The following ROR2 variants were observed in gnomAD, a reference collection of about 807,000 sequenced individuals.
ROR2 encodes the protein tyrosine-protein kinase transmembrane receptor ROR2.
In ROR2, 33 loss-of-function variants were observed where a neutral mutation model predicts 74.9. The observed-to-expected ratio is 0.44, with a 90% CI of 0.33 to 0.59. The LOEUF (loss-of-function observed/expected upper bound fraction) is 0.59, where lower values mean the gene tolerates loss of function less well. Ranked by LOEUF, ROR2 falls within the 20% of genes least tolerant of loss-of-function variation. ROR2 has a pLI of 0.02. For synonymous variants in ROR2, 586 were observed against 558.7 expected (o/e 1.05, Z -0.69); for missense variants, 1,216 against 1,313.8 (o/e 0.93, Z 1.15).
rs144928462 is a variant in ROR2, at chr9:91,824,455, G to A, written c.98-48637C>T. Among the ~76,000 whole-genome samples, 368 of 152,330 alleles carry A rather than the reference G, an allele frequency of 2.4e-3. 1 individual carries two copies. Among genetic ancestry groups the A allele is most frequent in the African/African-American group, 8.3e-3 (343 of 41,556 alleles). On this transcript the variant is annotated intron_variant, in intron 1 of 8. Coordinates refer to ENST00000375708, the MANE Select transcript of ROR2 (RefSeq NM_004560.4). ...AGGTAGGAATGTGCACACGCCGGGG[G>A]CAGGGCATCCCCTCTGCAGGACACA...
At chr9:91,804,585 G>A (rs757267916) in intron 1 of ROR2, among the ~76,000 whole-genome samples, 1 of 152,242 alleles carries the variant, frequency 6.6e-6, no homozygotes, top group Non-Finnish European at 1.5e-5. Flanking sequence ...GTGGCAGAGC[G>A]TCATGCGGCC....
In ROR2 at chr9:91,757,135, G is replaced by T. The variant is rs962373829; in HGVS notation, c.463+137C>A. On this transcript the variant is annotated intron_variant, in intron 3 of 8. Coordinates refer to ENST00000375708, the MANE Select transcript of ROR2 (RefSeq NM_004560.4). Reference sequence around the variant, plus strand: ...CTGGGCCCTGGGGCACATGGGGAAGGCCCTAGGGAACGGTTTCATTGCTCT... The same window carrying T: ...CTGGGCCCTGGGGCACATGGGGAAGTCCCTAGGGAACGGTTTCATTGCTCT... 17 of 1,110,576 alleles carry T rather than the reference G, an allele frequency of 1.5e-5. No individual in the cohort carries two copies. In the South Asian group the frequency reaches 2.0e-4, roughly 13 times the overall value. The allele number at this position is 1,110,576 out of a possible 1,614,324, so 68.8% of individuals were successfully genotyped here.
At chr9:91,873,946 AAGAG>A (rs1282262054) in intron 1 of ROR2, among the ~76,000 whole-genome samples, 2 of 152,194 alleles carry the variant, frequency 1.3e-5, no homozygotes, top group Non-Finnish European at 2.9e-5. Context: ...GGAGGGCACT[AAGAG>A]AGCAGATTAA....
At chr9:91,937,457 AGG>A (rs1169892180) in intron 1 of ROR2, among the ~76,000 whole-genome samples, 1 of 151,926 alleles carries the variant, frequency 6.6e-6, no homozygotes, top group Non-Finnish European at 1.5e-5. Context: ...CAGACGCCCC[AGG>A]GGTCTAGATG....
At chr9:91,915,068 A>G (rs1423076027) in intron 1 of ROR2, among the ~76,000 whole-genome samples, 1 of 152,108 alleles carries the variant, frequency 6.6e-6, no homozygotes, top group African/African-American at 2.4e-5. Flanking sequence ...CATCCCGAGA[A>G]CAGCAGGGGC....
intron 4 of ROR2, among the ~76,000 whole-genome samples, chr9:91,749,873 T>C (rs1169857834): frequency 6.6e-6 from 1 of 152,220 alleles, no homozygotes; most frequent in Non-Finnish European, 1.5e-5. Flanking sequence ...AGAAATTATT[T>C]TGAAACTCTT....
Position 91,837,994 on chromosome 9 carries a change from C to T in ROR2, c.98-62176G>A, listed in dbSNP as rs7858714. On this transcript the variant is annotated intron_variant, in intron 1 of 8. Coordinates refer to ENST00000375708, the MANE Select transcript of ROR2 (RefSeq NM_004560.4). ...GTATTTTAGGAAAAACAGAAATTAC[C>T]CATACTCCCCCTACCCTCACAAAAC... Among the ~76,000 whole-genome samples, 469 of 152,204 alleles carry T rather than the reference C, an allele frequency of 3.1e-3. 2 individuals carry two copies. Among genetic ancestry groups the T allele is most frequent in the African/African-American group, 0.011 (454 of 41,522 alleles).
chr9:91,860,934 A>G (rs1026998337), intron 1 of ROR2, among the ~76,000 whole-genome samples: 1 of 152,246 alleles, frequency 6.6e-6, no homozygotes, highest in African/African-American at 2.4e-5. Flanking sequence ...CGAATATACA[A>G]AAATCATTTG....
intron 1 of ROR2, among the ~76,000 whole-genome samples, chr9:91,938,686 G>A (rs1270318455): frequency 2.6e-5 from 4 of 152,208 alleles, no homozygotes; most frequent in South Asian, 2.1e-4. Flanking sequence ...GCAGGAAGGC[G>A]AGAGTTTTTA....
chr9:91,764,805 G>A (rs1826013712), intron 2 of ROR2, among the ~76,000 whole-genome samples: 1 of 152,104 alleles, frequency 6.6e-6, no homozygotes, highest in Admixed American at 6.5e-5. Flanking sequence ...TCTTAGTCTT[G>A]GTCTGAAAAC....
chr9:91,946,052 T>C (rs1255714665), intron 1 of ROR2, among the ~76,000 whole-genome samples: 1 of 152,154 alleles, frequency 6.6e-6, no homozygotes, highest in Non-Finnish European at 1.5e-5. Flanking sequence ...GGTGGTGTTG[T>C]GGGGCAAAGC....
At chr9:91,796,436 G>GAAAAA (rs907750118) in intron 1 of ROR2, among the ~76,000 whole-genome samples, 1,601 of 87,570 alleles carry the variant, frequency 0.018, 24 homozygotes, top group East Asian at 0.11. Context: ...TTGTCCCAAG[G>GAAAAA]AAAAAAAAAA....
chr9:91,904,095 C>T (rs978747781), intron 1 of ROR2, among the ~76,000 whole-genome samples: 1 of 151,006 alleles, frequency 6.6e-6, no homozygotes, highest in African/African-American at 2.4e-5. Flanking sequence ...GGCTGGAGTA[C>T]AGTGGTAGGA....
intron 1 of ROR2, among the ~76,000 whole-genome samples, chr9:91,852,659 A>ACACACACG (rs1563999941): frequency 1.3e-5 from 2 of 151,426 alleles, no homozygotes; most frequent in Non-Finnish European, 2.9e-5. Context: ...ACCCACACAC[A>ACACACACG]CAATGTAAGT....
At chr9:91,812,528 GCA>G (rs1827789978) in intron 1 of ROR2, among the ~76,000 whole-genome samples, 1 of 150,668 alleles carries the variant, frequency 6.6e-6, no homozygotes. Flanking sequence ...TGAGGGTCAG[GCA>G]CACACGTGTG....
At chr9:91,839,254 GTGTGTGTGTGT>G (rs1563991772) in intron 1 of ROR2, among the ~76,000 whole-genome samples, 34 of 35,750 alleles carry the variant, frequency 9.5e-4, no homozygotes, top group African/African-American at 2.9e-3. Flanking sequence ...GATCGGGGGT[GTGTGTGTGTGT>G]GTGTGTGTGT....
At chr9:91,817,454 G>A (rs1356726212) in intron 1 of ROR2, among the ~76,000 whole-genome samples, 2 of 152,222 alleles carry the variant, frequency 1.3e-5, no homozygotes, top group Non-Finnish European at 2.9e-5. Context: ...CACCAGGGAA[G>A]GGGTTCGGCT....
At chr9:91,772,323 C>G (rs141434266) in intron 2 of ROR2, among the ~76,000 whole-genome samples, 2 of 152,196 alleles carry the variant, frequency 1.3e-5, no homozygotes. Context: ...TAACAAATGG[C>G]GCCAGCATCA....
At chr9:91,744,701 A>C (rs17585790) in intron 4 of ROR2, among the ~76,000 whole-genome samples, 5,651 of 152,308 alleles carry the variant, frequency 0.037, 307 homozygotes, top group East Asian at 0.2. Context: ...TATCATAAAA[A>C]TCCAAGTCAG....
Sources: gnomAD v4.1 joint callset for allele counts (sites outside exome capture counted in the v4.1 genomes callset) on GRCh38, gnomAD v4.1.1 for gene constraint, MANE v1.5 for transcripts, NCBI Gene and HGNC (gene_info 2026-07-23, HGNC 2026-07-21) for gene names.